EDIL3: variants seen among roughly 807,000 people sequenced by gnomAD.
The protein encoded by EDIL3 is EGF-like repeat and discoidin I-like domain-containing protein 3.
Under a neutral mutation model 67.4 loss-of-function variants are expected in EDIL3, and 37 were observed. The ratio of observed to expected loss-of-function variants is 0.55; its 90% CI spans 0.42 to 0.72. The LOEUF (loss-of-function observed/expected upper bound fraction) is 0.72. EDIL3 is among the 30% of genes least tolerant of loss of function. The pLI is 0.00. For missense variants in EDIL3, 527 were observed against 586.3 expected (o/e 0.90, Z 1.04); for synonymous variants, 195 against 196.3 (o/e 0.99, Z 0.05).
In EDIL3 at chr5:84,115,486, T is replaced by C. The variant is rs181416282; in HGVS notation, c.470-8656A>G. Among the ~76,000 whole-genome samples, 628 of 152,322 alleles carry C rather than the reference T, an allele frequency of 4.1e-3. 6 individuals carry two copies. Among genetic ancestry groups the C allele is most frequent in the African/African-American group, 0.015 (604 of 41,582 alleles). ...GCATATTGATGCAGAATAATGGTTA[T>C]TATTTAAATAGTAGAGCCTATGAAC... On this transcript the variant is annotated intron_variant, in intron 5 of 10. Transcript: ENST00000296591.
Position 84,132,412 on chromosome 5 carries a change from ATATAT to A in EDIL3, c.469+4824_469+4828del, listed in dbSNP as rs560704562. ...TTTTATATATAATATATATTTTAAC[ATATAT>A]TATATATTTTATATATAATATATAT... On this transcript the variant is annotated intron_variant, in intron 5 of 10. Transcript: ENST00000296591. Among the ~76,000 whole-genome samples the A allele has an allele frequency of 2.2e-3, 244 of 112,872 alleles. 3 individuals carry two copies. The highest frequency in any genetic ancestry group is 8.8e-3 in the African/African-American group (231 of 26,164). 74.0% of individuals were successfully genotyped at this position (112,872 alleles called of 152,430 possible). A position where few individuals can be genotyped will look rare whatever the true frequency, so the allele number is the denominator to read the frequency against.
chr5:84,271,196 T>G (rs1745466079), intron 1 of EDIL3, among the ~76,000 whole-genome samples: 1 of 152,104 alleles, frequency 6.6e-6, no homozygotes, highest in African/African-American at 2.4e-5. Context: ...CCCGTTTAAC[T>G]ATCACTTAAA....
At chr5:83,991,906 T>A (rs893513626) in intron 9 of EDIL3, among the ~76,000 whole-genome samples, 5 of 152,260 alleles carry the variant, frequency 3.3e-5, no homozygotes, top group Admixed American at 1.3e-4. Context: ...CTATTTGCCG[T>A]CTACGTTTGG....
chr5:84,350,837 T>C (rs1747340686), intron 1 of EDIL3, among the ~76,000 whole-genome samples: 2 of 152,128 alleles, frequency 1.3e-5, no homozygotes, highest in African/African-American at 2.4e-5. Flanking sequence ...GAGTGACATG[T>C]AAAGTTAGTT....
In EDIL3 at chr5:84,170,463, T is replaced by C. The variant is rs114774848; in HGVS notation, c.355+9930A>G. ...GAACGGAGTAGTCTTCCCTTATCAC[T>C]ATGTTCAAGGTCAGAACAACAGCAG... is the stretch of plus-strand genomic sequence containing the variant. On this transcript the variant is annotated intron_variant, in intron 4 of 10. Coordinates refer to ENST00000296591, the MANE Select transcript of EDIL3 (RefSeq NM_005711.5). Among the ~76,000 whole-genome samples, 405 of 152,294 alleles carry C rather than the reference T, an allele frequency of 2.7e-3. 4 individuals are homozygous for C. The highest frequency in any genetic ancestry group is 9.5e-3 in the African/African-American group (393 of 41,556).
chr5:84,280,772 A>G (rs925588714), intron 1 of EDIL3, among the ~76,000 whole-genome samples: 19 of 151,732 alleles, frequency 1.3e-4, no homozygotes, highest in Admixed American at 3.3e-4. Flanking sequence ...GTGAGACTCT[A>G]TCTCTACAAA....
At chr5:84,132,367 T>C (rs1393416921) in intron 5 of EDIL3, among the ~76,000 whole-genome samples, 1 of 24,878 alleles carries the variant, frequency 4.0e-5, no homozygotes, top group Non-Finnish European at 8.0e-5. Flanking sequence ...ATATATATTA[T>C]ATATATTATA....
At chr5:84,005,533 A>G (rs1324353901) in intron 9 of EDIL3, among the ~76,000 whole-genome samples, 1 of 152,196 alleles carries the variant, frequency 6.6e-6, no homozygotes, top group East Asian at 1.9e-4. Context: ...ACACATATCA[A>G]TAAATGTGTT....
chr5:84,153,091 C>T (rs1020397232), intron 4 of EDIL3, among the ~76,000 whole-genome samples: 1 of 151,982 alleles, frequency 6.6e-6, no homozygotes, highest in East Asian at 1.9e-4. Flanking sequence ...TTATTTTATT[C>T]TGTTCATTAC....
chr5:83,946,038 C>G (rs1463262575), intron 10 of EDIL3, among the ~76,000 whole-genome samples: 3 of 151,926 alleles, frequency 2.0e-5, no homozygotes, highest in Non-Finnish European at 4.4e-5. Context: ...CTTAAGAATG[C>G]CACCTAAATA....
chr5:84,297,649 C>G (rs1191686199), intron 1 of EDIL3, among the ~76,000 whole-genome samples: 1 of 152,074 alleles, frequency 6.6e-6, no homozygotes, highest in Admixed American at 6.5e-5. Context: ...GAGAAGCCCC[C>G]GAGCTCTGGG....
chr5:84,048,202 T>A (rs577471333), intron 9 of EDIL3: 5 of 424,530 alleles, frequency 1.2e-5, no homozygotes, highest in African/African-American at 1.0e-4. Context: ...ATCAGAATAA[T>A]CCTTCATATT....
At chr5:83,970,256 TTATATATA>T (rs60143474) in intron 9 of EDIL3, among the ~76,000 whole-genome samples, 31 of 128,486 alleles carry the variant, frequency 2.4e-4, no homozygotes, top group African/African-American at 4.6e-4. Flanking sequence ...GTGTCACTAA[TTATATATA>T]TATATATATA....
chr5:84,366,857 AT>A, intron 1 of EDIL3, among the ~76,000 whole-genome samples: 1 of 152,308 alleles, frequency 6.6e-6, no homozygotes, highest in East Asian at 1.9e-4. Context: ...TCCGTCTGGC[AT>A]TTTTTCCAAT....
At position 84,126,899 on chromosome 5, in the gene EDIL3, A is replaced by C. The variant is rs56832091; in HGVS notation, c.469+10342T>G. 6.4e-3 allele frequency among the ~76,000 whole-genome samples: 973 copies of C among 152,218 alleles called. 14 individuals are homozygous for C. The highest frequency in any genetic ancestry group is 0.022 in the African/African-American group (928 of 41,550). The stretch of plus-strand genomic sequence containing the variant: ...AAAACTATTAACAGTGGCAGAATCC[A>C]GAAATAATTCTATTGGAAAAGGAAA... On this transcript the variant is annotated intron_variant, in intron 5 of 10. Coordinates refer to ENST00000296591, the MANE Select transcript of EDIL3 (RefSeq NM_005711.5).
At chr5:83,944,892 AC>A (rs1744285922) in intron 10 of EDIL3, among the ~76,000 whole-genome samples, 1 of 152,020 alleles carries the variant, frequency 6.6e-6, no homozygotes, top group Non-Finnish European at 1.5e-5. Context: ...AAAACAAAAA[AC>A]AACCAAACTC....
rs1177949582 is a variant in EDIL3, at chr5:84,164,842, T to C, written c.355+15551A>G. 6.6e-5 allele frequency among the ~76,000 whole-genome samples: 10 copies of C among 152,164 alleles called. No individual in the cohort carries two copies. The East Asian group carries it at 1.9e-3, about 29-fold the overall frequency. On this transcript the variant is annotated intron_variant, in intron 4 of 10. Transcript: ENST00000296591. ...GGGAGAAAGAATGAAGAAGTAAGTGTCTTACAAGGTTGAAAGCAGAGGGAC... is the reference window on the plus strand; with the variant it reads ...GGGAGAAAGAATGAAGAAGTAAGTGCCTTACAAGGTTGAAAGCAGAGGGAC...
chr5:84,054,033 G>C (rs942840318), intron 9 of EDIL3, among the ~76,000 whole-genome samples: 1 of 152,146 alleles, frequency 6.6e-6, no homozygotes, highest in African/African-American at 2.4e-5. Context: ...CAATATCCCT[G>C]ATGAACATCG....
intron 1 of EDIL3, among the ~76,000 whole-genome samples, chr5:84,340,526 C>CTA (rs1747083489): frequency 2.8e-5 from 2 of 72,396 alleles, no homozygotes; most frequent in Non-Finnish European, 6.4e-5. Flanking sequence ...CTCTCTCTCT[C>CTA]TCTCTCTCTA....
Sources: gnomAD v4.1 joint callset for allele counts (sites outside exome capture counted in the v4.1 genomes callset) on GRCh38, gnomAD v4.1.1 for gene constraint, MANE v1.5 for transcripts, NCBI Gene and HGNC (gene_info 2026-07-23, HGNC 2026-07-21) for gene names.